SPTBN1: variants seen among roughly 807,000 people sequenced by gnomAD.
SPTBN1 encodes the protein spectrin beta chain, non-erythrocytic 1.
In SPTBN1, 32 loss-of-function variants were observed where a neutral mutation model predicts 266.4. The observed-to-expected ratio is 0.12, with a 90% CI of 0.09 to 0.16. The LOEUF is 0.16. Ranked by LOEUF, SPTBN1 falls within the 10% of genes least tolerant of loss-of-function variation. SPTBN1 has a pLI of 1.00. For synonymous variants in SPTBN1, 1,336 were observed against 1,162.2 expected, an observed-to-expected ratio of 1.15 and a Z score of -3.04; for missense variants, 2,296 against 3,067.1, an observed-to-expected ratio of 0.75 and a Z score of 5.94.
intron 2 of SPTBN1, among the ~76,000 whole-genome samples, chr2:54,530,647 G>A (rs1338638348): frequency 7.2e-5 from 11 of 151,936 alleles, no homozygotes; most frequent in African/African-American, 2.2e-4. Flanking sequence ...ATGAGCCACC[G>A]CGCCCGGCTT....
At chr2:54,627,203 G>A (rs1049279244) in intron 12 of SPTBN1, among the ~76,000 whole-genome samples, 1 of 152,162 alleles carries the variant, frequency 6.6e-6, no homozygotes, top group African/African-American at 2.4e-5. Flanking sequence ...TATTGTTCCA[G>A]ATTTACAGTG....
At chr2:54,560,306 G>A (rs1235867054) in intron 2 of SPTBN1, among the ~76,000 whole-genome samples, 9 of 151,742 alleles carry the variant, frequency 5.9e-5, no homozygotes, top group Non-Finnish European at 2.9e-5. Context: ...GTGTCATCCC[G>A]CCTGGGGGAA....
intron 31 of SPTBN1, among the ~76,000 whole-genome samples, 181 bp from the exon 32 acceptor site, chr2:54,659,755 G>T (rs1218295857): frequency 2.0e-5 from 3 of 152,110 alleles, no homozygotes; most frequent in African/African-American, 7.2e-5. Context: ...TCCTGTAGTC[G>T]TATTTTTCTG....
At chr2:54,570,492 G>C (rs1036645575) in intron 2 of SPTBN1, among the ~76,000 whole-genome samples, 6 of 152,164 alleles carry the variant, frequency 3.9e-5, no homozygotes, top group African/African-American at 1.4e-4. Flanking sequence ...TCTGTTCTAC[G>C]CTGGTGGCAA....
chr2:54,459,891 T>A (rs1420015307), intron 1 of SPTBN1, among the ~76,000 whole-genome samples: 1 of 152,248 alleles, frequency 6.6e-6, no homozygotes. Flanking sequence ...TTTAGTACTC[T>A]GATTTTTCCG....
intron 3 of SPTBN1, among the ~76,000 whole-genome samples, chr2:54,605,929 T>G (rs1676809728): frequency 6.6e-6 from 1 of 152,220 alleles, no homozygotes; most frequent in Non-Finnish European, 1.5e-5. Flanking sequence ...GGGGTCCCTG[T>G]GATGTGGCAT....
intron 29 of SPTBN1, 111 bp from the exon 30 acceptor site, chr2:54,657,739 A>T: frequency 7.8e-7 from 1 of 1,282,156 alleles, no homozygotes; most frequent in Non-Finnish European, 1.1e-6. Context: ...TAGACGATAG[A>T]CTGGTTATGC....
intron 33 of SPTBN1, 90 bp from the exon 34 acceptor site, chr2:54,665,825 A>G: frequency 2.8e-6 from 4 of 1,444,446 alleles, no homozygotes; most frequent in Non-Finnish European, 3.8e-6. Context: ...TTGTGTGAGG[A>G]TCATTTTCAT....
At chr2:54,591,589 T>G (rs1675686174) in intron 2 of SPTBN1, among the ~76,000 whole-genome samples, 1 of 152,134 alleles carries the variant, frequency 6.6e-6, no homozygotes, top group Non-Finnish European at 1.5e-5. Context: ...ATGAATAGGG[T>G]CTTTTGACAG....
chr2:54,456,894 C>T (rs991331820), intron 1 of SPTBN1, among the ~76,000 whole-genome samples: 3 of 151,376 alleles, frequency 2.0e-5, no homozygotes, highest in Admixed American at 6.6e-5. Context: ...CGCGGCGGCC[C>T]CTGACGCGGA....
chr2:54,517,165 C>G (rs1200195871), intron 1 of SPTBN1, among the ~76,000 whole-genome samples: 1 of 151,220 alleles, frequency 6.6e-6, no homozygotes, highest in Non-Finnish European at 1.5e-5. Flanking sequence ...CTCCCCTTTT[C>G]CATCATGGCC....
intron 18 of SPTBN1, among the ~76,000 whole-genome samples, chr2:54,642,643 A>G (rs936588778): frequency 2.0e-5 from 3 of 152,128 alleles, no homozygotes; most frequent in African/African-American, 7.2e-5. Context: ...TTGGAAGAGA[A>G]AAAGAGTCAT....
rs562336751 is a variant in SPTBN1, at chr2:54,579,709, T to TA, written c.149-19379dup. On this transcript the variant is annotated intron_variant, in intron 2 of 35. Transcript: ENST00000356805. ...ACTCCTGTTGACCTTTGGATTTAGG[T>TA]AAAATGTAAGTCTTAGGAGAATTGA... is the stretch of plus-strand genomic sequence containing the variant. Among the ~76,000 whole-genome samples, 3 of 152,266 alleles carry TA rather than the reference T, an allele frequency of 2.0e-5. No individual in the cohort carries two copies. The South Asian group carries it at 6.2e-4, about 32-fold the overall frequency.
At chr2:54,556,720 G>C (rs559235666) in intron 2 of SPTBN1, among the ~76,000 whole-genome samples, 4 of 152,096 alleles carry the variant, frequency 2.6e-5, no homozygotes, top group Admixed American at 2.6e-4. Flanking sequence ...GATGAAAGGA[G>C]GGGTGCATTT....
rs751648111 is a variant in SPTBN1, at chr2:54,645,949, C to G, written c.4516C>G (p.Pro1506Ala). 11 of 1,614,040 alleles carry G rather than the reference C, an allele frequency of 6.8e-6. No individual in the cohort carries two copies. Among genetic ancestry groups the G allele is most frequent in the Admixed American group, 1.7e-5 (1 of 60,006 alleles). ...CCAGTTGTGGGTTGGAGAGAGGATGCCTTTGGCAACTTCCACGGATCATGG... is the reference window on the plus strand; with the variant it reads ...CCAGTTGTGGGTTGGAGAGAGGATGGCTTTGGCAACTTCCACGGATCATGG... Reference protein sequence around the residue: ...DEILWVGERMPLATSTDHGHN... With the variant: ...DEILWVGERMALATSTDHGHN... The change falls in exon 22 of 36, where the codon CCT becomes GCT. Residue 1506 changes from proline (P) to alanine (A), a missense_variant. Pro to Ala is a conservative substitution (Grantham distance 27). Transcript: ENST00000356805. This position sits in a 1 kb window ranked among gnomAD's most constrained non-coding sequence, Gnocchi z 4.3.
chr2:54,574,077 A>T (rs1443076513), intron 2 of SPTBN1, among the ~76,000 whole-genome samples: 2 of 152,170 alleles, frequency 1.3e-5, no homozygotes, highest in African/African-American at 4.8e-5. Context: ...CTTTGTTCTC[A>T]GGTCCCCTCA....
At chr2:54,470,224 G>C (rs1461212868) in intron 1 of SPTBN1, among the ~76,000 whole-genome samples, 1 of 149,498 alleles carries the variant, frequency 6.7e-6, no homozygotes, top group East Asian at 1.9e-4. Flanking sequence ...GACTATTCTT[G>C]TCTGTCATTT....
chr2:54,658,812 T>C (rs557721430), intron 30 of SPTBN1, among the ~76,000 whole-genome samples: 1 of 152,334 alleles, frequency 6.6e-6, no homozygotes, highest in South Asian at 2.1e-4. Context: ...GTCTGAGCTC[T>C]CCTGGGGAGT....
chr2:54,631,454 A>C lies in SPTBN1; in HGVS notation c.3407A>C (p.Gln1136Pro). 6.2e-7 allele frequency: 1 copy of C among 1,614,276 alleles called. No homozygotes were observed. The highest frequency in any genetic ancestry group is 1.3e-5 in the African/African-American group (1 of 75,082). Reference sequence around the variant, plus strand: ...GTCACCCAGGGGCAGACCGATGCCCAGTACATGTTTCTGCGGCAGCGGCTG... The same window carrying C: ...GTCACCCAGGGGCAGACCGATGCCCCGTACATGTTTCTGCGGCAGCGGCTG... ...EMVTQGQTDA[Q>P]YMFLRQRLQA... Residue 1136 changes from glutamine to proline, a missense_variant, in exon 16 of 36, where the codon CAG becomes CCG. Around this residue, in one of 12 missense-constraint regions of SPTBN1, gnomAD observed 386 missense variants for 486.1 expected, o/e 0.79. Coordinates refer to ENST00000356805, the MANE Select transcript of SPTBN1 (RefSeq NM_003128.3).
Sources: gnomAD v4.1 joint callset for allele counts (sites outside exome capture counted in the v4.1 genomes callset) on GRCh38, gnomAD v4.1.1 for gene constraint, gnomAD v4.1.1 regional missense constraint, Gnocchi (gnomAD v3.1) non-coding constraint, MANE v1.5 for transcripts, NCBI Gene and HGNC (gene_info 2026-07-23, HGNC 2026-07-21) for gene names.